NFIB: variants seen among roughly 807,000 people sequenced by gnomAD.
NFIB encodes nuclear factor I B, also known as nuclear factor 1 B-type.
Under a neutral mutation model 61.5 loss-of-function variants are expected in NFIB, and 11 were observed. The ratio of observed to expected loss-of-function variants is 0.18; its 90% confidence interval spans 0.11 to 0.30. NFIB has a LOEUF of 0.30. Ranked by LOEUF, NFIB falls within the 10% of genes least tolerant of loss-of-function variation. The pLI is 1.00. For synonymous variants in NFIB, 260 were observed against 216.5 expected (o/e 1.20, Z -1.76); for missense variants, 471 against 608.9 (o/e 0.77, Z 2.38).
the NFIB span, among the ~76,000 whole-genome samples, chr9:14,424,351 G>C: frequency 2.0e-5 from 3 of 152,144 alleles, no homozygotes; most frequent in African/African-American, 7.2e-5. Context: ...TGTGAAAAAA[G>C]TGTTCGAGGG....
chr9:14,345,859 A>G lies in NFIB; in HGVS notation c.109-38339T>C, dbSNP rs548715433. On this transcript the variant is annotated intron_variant, in intron 1 of 8. Transcript: ENST00000380934. ...CTCTTCAAACGGCCTTTCAAAGATG[A>G]CTTAGGGGTTCCACGAATGTCGCTG... Among the ~76,000 whole-genome samples the G allele has an allele frequency of 2.0e-5, 3 of 152,174 alleles. No individual in the cohort carries two copies. The South Asian group carries it at 6.2e-4, about 32-fold the overall frequency.
intron 1 of NFIB, among the ~76,000 whole-genome samples, chr9:14,385,974 G>A (rs1469450251): frequency 1.3e-5 from 2 of 151,868 alleles, no homozygotes; most frequent in African/African-American, 4.8e-5. Flanking sequence ...GTAGAGACAG[G>A]GTTTCGCCAT....
chr9:14,371,786 C>A (rs944702616), intron 1 of NFIB, among the ~76,000 whole-genome samples: 2 of 152,204 alleles, frequency 1.3e-5, no homozygotes, highest in African/African-American at 4.8e-5. Context: ...TCCATCAATT[C>A]CTATTGCCCT....
At chr9:14,230,602 G>T (rs191393184) in intron 2 of NFIB, among the ~76,000 whole-genome samples, 6 of 152,212 alleles carry the variant, frequency 3.9e-5, no homozygotes, top group Admixed American at 2.0e-4. Flanking sequence ...ATACATGAAA[G>T]AGAAAAGGAA....
At chr9:14,353,418 T>G (rs1243287221) in intron 1 of NFIB, among the ~76,000 whole-genome samples, 1 of 152,010 alleles carries the variant, frequency 6.6e-6, no homozygotes, top group Non-Finnish European at 1.5e-5. Context: ...ACTGCTAGGG[T>G]GTCCTTGGCA....
At chr9:14,421,483 TTGAAGATAC>T in the NFIB span, among the ~76,000 whole-genome samples, 1 of 152,180 alleles carries the variant, frequency 6.6e-6, no homozygotes, top group Non-Finnish European at 1.5e-5. Flanking sequence ...TACCTGGAAT[TTGAAGATAC>T]TGAAGAGGAA....
chr9:14,117,451 C>T (rs1465467723), intron 8 of NFIB, among the ~76,000 whole-genome samples: 2 of 151,884 alleles, frequency 1.3e-5, no homozygotes, highest in African/African-American at 4.8e-5. Context: ...GGAGGCTATT[C>T]TCGGCAAGTA....
chr9:14,182,708 C>CTCTGTGTGTGTGTGTGTG (rs778914837), intron 2 of NFIB, among the ~76,000 whole-genome samples: 1 of 97,000 alleles, frequency 1.0e-5, no homozygotes, highest in African/African-American at 4.4e-5. Flanking sequence ...CTCTCTCTCT[C>CTCTGTGTGTGTGTGTGTG]TGTGTGTGTG....
chr9:14,116,274 G>C lies in NFIB; in HGVS notation c.1318C>G (p.Pro440Ala), dbSNP rs2038120832. The C allele has an allele frequency of 6.5e-7, 1 of 1,538,702 alleles. No individual in the cohort carries two copies. The highest frequency in any genetic ancestry group is 8.8e-7 in the Non-Finnish European group (1 of 1,140,340). ...AGGGTCACAGGTCGCACTGCACTGG[G>C]ATGGGGAGAGGGTGCCAAGACAGGA... ...FTPVLAPSPH[P>A]SAVRPVTLSM... Residue 440 changes from proline to alanine, a missense_variant, in exon 9 of 11, where the codon CCC becomes GCC. By Grantham distance (27) the Pro-to-Ala change is conservative. Transcript: ENST00000380953.
chr9:14,311,229 C>G (rs955169326), intron 1 of NFIB, among the ~76,000 whole-genome samples: 1 of 151,902 alleles, frequency 6.6e-6, no homozygotes, highest in Non-Finnish European at 1.5e-5. Context: ...AACCTAGATA[C>G]CTTATTGCAA....
chr9:14,486,792 A>T, the NFIB span, among the ~76,000 whole-genome samples: 1 of 152,186 alleles, frequency 6.6e-6, no homozygotes, highest in African/African-American at 2.4e-5. Context: ...GTGGGGTATA[A>T]CTGGATGGTG....
intron 1 of NFIB, among the ~76,000 whole-genome samples, chr9:14,310,693 G>A: frequency 6.6e-6 from 1 of 152,190 alleles, no homozygotes; most frequent in Admixed American, 6.5e-5. Context: ...AAAGGTAATA[G>A]GCAACTTTGC....
At chr9:14,367,964 C>T (rs1271922600) in intron 1 of NFIB, among the ~76,000 whole-genome samples, 1 of 152,020 alleles carries the variant, frequency 6.6e-6, no homozygotes, top group Non-Finnish European at 1.5e-5. Context: ...ACCTCCATGG[C>T]ACGTGTATAC....
At chr9:14,423,915 A>G in the NFIB span, among the ~76,000 whole-genome samples, 1 of 151,734 alleles carries the variant, frequency 6.6e-6, no homozygotes, top group Non-Finnish European at 1.5e-5. Flanking sequence ...CCCATCATCC[A>G]TTTCCCATCC....
rs368484328 is a variant in NFIB, at chr9:14,087,781, G to A, written c.*528C>T. On this transcript the variant is annotated 3_prime_UTR_variant, in exon 11 of 11. Transcript: ENST00000380953. ...TCTGTCACCCAGCACCTCTGACGCC[G>A]CCTCCTAGCCTTCGTTGGTGAGATA... The A allele has an allele frequency of 1.8e-5, 4 of 219,292 alleles. No homozygotes were observed. The highest frequency in any genetic ancestry group is 6.7e-5 in the African/African-American group (3 of 44,532). The allele number at this position is 219,292 out of a possible 1,614,324, so 13.6% of individuals were successfully genotyped here. A position where few individuals can be genotyped will look rare whatever the true frequency, so the allele number is the denominator to read the frequency against.
At chr9:14,263,447 C>T (rs571566004) in intron 2 of NFIB, among the ~76,000 whole-genome samples, 2 of 152,222 alleles carry the variant, frequency 1.3e-5, no homozygotes, top group South Asian at 2.1e-4. Flanking sequence ...TGTTTCCATA[C>T]CCGTATTTAC....
intron 2 of NFIB, among the ~76,000 whole-genome samples, chr9:14,217,351 A>G (rs578182311): frequency 6.6e-6 from 1 of 152,314 alleles, no homozygotes; most frequent in Non-Finnish European, 1.5e-5. Context: ...CAATAATGCT[A>G]GGAAATTCTT....
chr9:14,228,460 C>T (rs997024524), intron 2 of NFIB, among the ~76,000 whole-genome samples: 1 of 151,910 alleles, frequency 6.6e-6, no homozygotes, highest in Non-Finnish European at 1.5e-5. Flanking sequence ...CCTCCCAAAG[C>T]CTCCCAGAAC....
chr9:14,346,786 G>T (rs2061028420), intron 1 of NFIB, among the ~76,000 whole-genome samples: 2 of 152,118 alleles, frequency 1.3e-5, no homozygotes, highest in African/African-American at 2.4e-5. Flanking sequence ...CTTGAGGGGG[G>T]GATCTTTTCT....
Sources: allele counts gnomAD v4.1 joint callset (sites outside exome capture counted in the v4.1 genomes callset), GRCh38; gene constraint gnomAD v4.1.1; transcripts MANE v1.5; gene names NCBI Gene and HGNC (gene_info 2026-07-23, HGNC 2026-07-21).